Variants in PLS1 observed in about 807,000 individuals in gnomAD.
PLS1 encodes the protein plastin 1.
Under a neutral mutation model 73.7 loss-of-function variants are expected in PLS1, and 32 were observed. The observed-to-expected ratio is 0.43, with a 90% CI of 0.33 to 0.58. The LOEUF (loss-of-function observed/expected upper bound fraction) is 0.58, where lower values mean the gene tolerates loss of function less well. Ranked by LOEUF, PLS1 falls within the 20% of genes least tolerant of loss-of-function variation. The pLI, the probability that PLS1 is intolerant of heterozygous loss-of-function variation, is 0.04. For missense variants in PLS1, 633 were observed against 740.5 expected (o/e 0.85, Z 1.68); for synonymous variants, 217 against 261.3 (o/e 0.83, Z 1.63).
intron 1 of PLS1, among the ~76,000 whole-genome samples, chr3:142,636,500 T>C (rs1263859695): frequency 6.6e-6 from 1 of 152,208 alleles, no homozygotes; most frequent in Non-Finnish European, 1.5e-5. Flanking sequence ...GAAAAAATAC[T>C]GTGACCTTGG....
Position 142,600,892 on chromosome 3 carries a change from ATATATATATATATATATATATATATTT to A in PLS1, c.-37+4385_-37+4411del, listed in dbSNP as rs1242868259. On this transcript the variant is annotated intron_variant, in intron 1 of 15. Transcript: ENST00000457734. ...GGCCTGGTTTCATATATATATATATATATATATATATATATATATATATATTTTTTTTTTTTTTTTTTTTTTTTTGAG... is the reference window on the plus strand; with the variant it reads ...GGCCTGGTTTCATATATATATATATATTTTTTTTTTTTTTTTTTTTTTGAG... Among the ~76,000 whole-genome samples the A allele has an allele frequency of 4.6e-4, 10 of 21,722 alleles. 1 individual carries two copies. The highest frequency in any genetic ancestry group is 3.4e-3 in the Admixed American group (6 of 1,782). 14.3% of individuals were successfully genotyped at this position (21,722 alleles called of 152,430 possible).
At chr3:142,703,386 C>T (rs561004304) in intron 12 of PLS1, among the ~76,000 whole-genome samples, 1 of 150,500 alleles carries the variant, frequency 6.6e-6, no homozygotes, top group Admixed American at 6.7e-5. Flanking sequence ...ACCTCCACCT[C>T]GCAGGTTCAA....
chr3:142,704,574 T>A lies in PLS1; in HGVS notation c.1617T>A (p.Ile539=). The A allele has an allele frequency of 6.3e-7, 1 of 1,594,502 alleles. No individual in the cohort carries two copies. Among genetic ancestry groups the A allele is most frequent in the Non-Finnish European group, 8.6e-7 (1 of 1,169,518 alleles). The change falls in exon 14 of 16, where the codon ATT becomes ATA. Residue 539 remains isoleucine (I), a synonymous_variant. Coordinates refer to ENST00000457734, the MANE Select transcript of PLS1 (RefSeq NM_001145319.2). ...TLKSANKKTS[I]SSFKDKSIST... is the part of the protein sequence containing the mutation. ...AAAGTGCAAACAAAAAGACTTCTAT[T>A]TCCAGCTTCAAGGTAATCAAGAGTC...
intron 2 of PLS1, 62 bp from the exon 3 acceptor site, chr3:142,669,328 G>A: frequency 1.1e-6 from 1 of 932,966 alleles, no homozygotes; most frequent in South Asian, 1.9e-5. Flanking sequence ...CTCCCAAAAG[G>A]CATCCTTATT....
chr3:142,700,545 G>A (rs1257942525), intron 12 of PLS1, among the ~76,000 whole-genome samples: 2 of 152,086 alleles, frequency 1.3e-5, no homozygotes, highest in Non-Finnish European at 2.9e-5. Flanking sequence ...GGATGGTCTT[G>A]TCTCCTGACC....
At chr3:142,706,721 A>G (rs1037064640) in intron 14 of PLS1, among the ~76,000 whole-genome samples, 1 of 152,142 alleles carries the variant, frequency 6.6e-6, no homozygotes, top group Non-Finnish European at 1.5e-5. Context: ...GGGAATGGAA[A>G]TGGTAAGATT....
At chr3:142,672,887 C>G (rs2037636952) in intron 4 of PLS1, among the ~76,000 whole-genome samples, 1 of 152,042 alleles carries the variant, frequency 6.6e-6, no homozygotes, top group South Asian at 2.1e-4. Context: ...TTCATTACAC[C>G]AAAGAAGAAC....
chr3:142,712,076 T>C lies in PLS1; in HGVS notation c.*69T>C, dbSNP rs1933156078. On this transcript the variant is annotated 3_prime_UTR_variant, in exon 16 of 16. Coordinates refer to ENST00000457734, the MANE Select transcript of PLS1 (RefSeq NM_001145319.2). The stretch of plus-strand genomic sequence containing the variant: ...TCACAGTTTACAGGATTCTGAAATG[T>C]AGTGGGTGTAAAACCAGAGATTATT... 2.9e-6 allele frequency: 4 copies of C among 1,372,184 alleles called. No homozygotes were observed. Among genetic ancestry groups the C allele is most frequent in the African/African-American group, 1.4e-5 (1 of 69,910 alleles). The allele number at this position is 1,372,184 out of a possible 1,614,324, so 85.0% of individuals were successfully genotyped here.
intron 1 of PLS1, among the ~76,000 whole-genome samples, chr3:142,641,257 ATATAT>A (rs904962293): frequency 4.1e-5 from 6 of 145,356 alleles, no homozygotes; most frequent in African/African-American, 1.3e-4. Context: ...ATATCTCTCT[ATATAT>A]TATATGTATT....
chr3:142,690,929 G>GCGC (rs1457753838), intron 10 of PLS1, among the ~76,000 whole-genome samples: 1 of 152,040 alleles, frequency 6.6e-6, no homozygotes, highest in East Asian at 1.9e-4. Context: ...TCAGAGGAAG[G>GCGC]CGCCAATCTT....
In PLS1 at chr3:142,658,368, C is replaced by A. The variant is rs138143249; in HGVS notation, c.-36-5834C>A. On this transcript the variant is annotated intron_variant, in intron 1 of 15. Coordinates refer to ENST00000457734, the MANE Select transcript of PLS1 (RefSeq NM_001145319.2). The stretch of plus-strand genomic sequence containing the variant: ...ATGGGTGCCTGTAGTCCCAGCTACT[C>A]GGGAGGCTGAGGTAGGAAAATTGCT... 2.0e-5 allele frequency among the ~76,000 whole-genome samples: 3 copies of A among 151,124 alleles called. No homozygotes were observed. The South Asian group carries it at 6.3e-4, about 32-fold the overall frequency.
intron 1 of PLS1, among the ~76,000 whole-genome samples, chr3:142,604,706 A>G (rs1415852848): frequency 1.3e-5 from 2 of 152,150 alleles, no homozygotes; most frequent in Non-Finnish European, 2.9e-5. Context: ...AGGCCGAGGC[A>G]GGCGGATCAC....
At chr3:142,597,831 A>G (rs2035839310) in intron 1 of PLS1, among the ~76,000 whole-genome samples, 1 of 152,126 alleles carries the variant, frequency 6.6e-6, no homozygotes, top group South Asian at 2.1e-4. Flanking sequence ...TTTCTCTTCT[A>G]CTTATACCAT....
chr3:142,703,521 C>G (rs1287556022), intron 12 of PLS1, among the ~76,000 whole-genome samples: 1 of 152,120 alleles, frequency 6.6e-6, no homozygotes, highest in Non-Finnish European at 1.5e-5. Flanking sequence ...GTCTCGAACT[C>G]TTGACCTCAG....
chr3:142,600,901 TATATATA>T (rs1431656258), intron 1 of PLS1, among the ~76,000 whole-genome samples: 5 of 31,918 alleles, frequency 1.6e-4, no homozygotes, highest in African/African-American at 1.0e-3. Flanking sequence ...TATATATATA[TATATATA>T]TATATATATT....
chr3:142,629,031 A>C (rs1468205724), intron 1 of PLS1, among the ~76,000 whole-genome samples: 1 of 152,158 alleles, frequency 6.6e-6, no homozygotes, highest in Non-Finnish European at 1.5e-5. Flanking sequence ...TGTTCCTCAC[A>C]CTTGTTTCAA....
intron 1 of PLS1, chr3:142,657,014 G>C (rs374808016): frequency 1.3e-5 from 2 of 152,140 alleles, no homozygotes; most frequent in Non-Finnish European, 2.9e-5. Flanking sequence ...CATCCTGCCC[G>C]AATACTGCCA....
chr3:142,647,391 A>G (rs1412184419), intron 1 of PLS1, among the ~76,000 whole-genome samples: 1 of 152,126 alleles, frequency 6.6e-6, no homozygotes, highest in Non-Finnish European at 1.5e-5. Context: ...CAAGAACTCC[A>G]TTTGTCAGAT....
intron 1 of PLS1, among the ~76,000 whole-genome samples, chr3:142,642,549 C>T (rs1172905029): frequency 6.6e-6 from 1 of 152,102 alleles, no homozygotes; most frequent in African/African-American, 2.4e-5. Flanking sequence ...AAGTTTGTTC[C>T]AGTTTTCACC....
Sources: allele counts gnomAD v4.1 joint callset (sites outside exome capture counted in the v4.1 genomes callset), GRCh38; gene constraint gnomAD v4.1.1; transcripts MANE v1.5; gene names NCBI Gene and HGNC (gene_info 2026-07-23, HGNC 2026-07-21).